Variants in UBE4B observed in about 807,000 individuals in gnomAD.
UBE4B encodes the protein ubiquitin conjugation factor E4 B.
Under a neutral mutation model 148.1 loss-of-function variants are expected in UBE4B, and 27 were observed. The observed-to-expected ratio is 0.18, with a 90% confidence interval of 0.13 to 0.25. UBE4B has a LOEUF of 0.25. Among genes scored for constraint, UBE4B ranks in the 10% least tolerant of loss-of-function variants. UBE4B has a pLI of 1.00. For synonymous variants in UBE4B, 596 were observed against 619.3 expected (o/e 0.96, Z 0.56); for missense variants, 1,170 against 1,662.4 (o/e 0.70, Z 5.15).
intron 2 of UBE4B, among the ~76,000 whole-genome samples, chr1:10,083,258 G>T (rs1644713194): frequency 6.6e-6 from 1 of 152,144 alleles, no homozygotes; most frequent in African/African-American, 2.4e-5. Context: ...AAACCAAGTG[G>T]ATATCTGTGG....
intron 25 of UBE4B, among the ~76,000 whole-genome samples, chr1:10,171,896 G>A (rs1042821302): frequency 7.9e-5 from 12 of 151,994 alleles, no homozygotes; most frequent in Admixed American, 2.0e-4. Context: ...AAATAAATAA[G>A]TAAGTAAGTA....
intron 7 of UBE4B, among the ~76,000 whole-genome samples, chr1:10,117,094 C>T (rs1001663909): frequency 2.0e-5 from 3 of 152,258 alleles, no homozygotes; most frequent in African/African-American, 4.8e-5. Flanking sequence ...AGTTTGATTA[C>T]AGCAGTAGCA....
chr1:10,132,503 T>C (rs375835979), intron 15 of UBE4B, 21 bp downstream of exon 15: 4 of 1,601,384 alleles, frequency 2.5e-6, no homozygotes, highest in Non-Finnish European at 3.4e-6. Flanking sequence ...TACAGACTGC[T>C]TTTCGCTGTT....
At chr1:10,136,071 A>C (rs1253536266) in intron 16 of UBE4B, among the ~76,000 whole-genome samples, 1 of 152,204 alleles carries the variant, frequency 6.6e-6, no homozygotes. Flanking sequence ...CGGCTCTGGA[A>C]TCAGTAGTTT....
chr1:10,094,873 G>A (rs115779448), intron 2 of UBE4B, among the ~76,000 whole-genome samples: 2,475 of 151,810 alleles, frequency 0.016, 65 homozygotes, highest in African/African-American at 0.056. Flanking sequence ...TCACTGCAAC[G>A]TCTTCCTCCC....
rs780224557 is a variant in UBE4B at position 10,122,091 on chromosome 1, GT to G, written c.1554+18del. 182 of 1,570,964 alleles carry G rather than the reference GT, an allele frequency of 1.2e-4. No individual in the cohort carries two copies. The highest frequency in any genetic ancestry group is 1.6e-4 in the Non-Finnish European group (179 of 1,152,066). ...TGTTCAAGCAGGTACGGTCGTATGAGTTTGCTCTTGCAAATTTTAGCCTGAG... is the reference window on the plus strand; with the variant it reads ...TGTTCAAGCAGGTACGGTCGTATGAGTTGCTCTTGCAAATTTTAGCCTGAG... On this transcript the variant is annotated intron_variant, in intron 10 of 27. Transcript: ENST00000343090.
At chr1:10,039,551 T>C (rs1378390728) in intron 1 of UBE4B, among the ~76,000 whole-genome samples, 1 of 151,790 alleles carries the variant, frequency 6.6e-6, no homozygotes, top group African/African-American at 2.4e-5. Flanking sequence ...TGCCTCAGCC[T>C]CCCAAGTAGC....
intron 10 of UBE4B, 116 bp downstream of exon 10, chr1:10,122,192 A>G (rs2101924636): frequency 3.3e-6 from 2 of 609,472 alleles, no homozygotes; most frequent in Middle Eastern, 5.4e-4. Flanking sequence ...GTTATTAGAG[A>G]GAAGGCCTAC....
chr1:10,067,763 T>G (rs1644413955), intron 1 of UBE4B, among the ~76,000 whole-genome samples: 1 of 152,136 alleles, frequency 6.6e-6, no homozygotes, highest in South Asian at 2.1e-4. Flanking sequence ...AGTCTCACTC[T>G]ATGGCCCAGG....
chr1:10,158,900 C>G (rs1036689912), intron 22 of UBE4B, among the ~76,000 whole-genome samples: 3 of 151,238 alleles, frequency 2.0e-5, no homozygotes, highest in Non-Finnish European at 4.4e-5. Context: ...ATCCTAGCTA[C>G]TTGGGAAGCT....
Position 10,117,475 on chromosome 1 carries a change from G to C in UBE4B, c.1213G>C (p.Gly405Arg), listed in dbSNP as rs765689091. Residue 405 changes from glycine (G) to arginine (R), a missense_variant, in exon 8 of 28, where the codon GGA becomes CGA. Gly to Arg is a moderately radical substitution (Grantham distance 125, BLOSUM62 -2). This residue lies in a region of UBE4B where 388 missense variants were observed against 536.0 expected (regional missense o/e 0.72). Coordinates refer to ENST00000343090, the MANE Select transcript of UBE4B (RefSeq NM_001105562.3). ...TCTCTGAAGTTTGGGAGCCTCTGGT[G>C]GAGCAAGTAATTGGGATTCCTACAG... ...RISPSLGASG[G>R]ASNWDSYSDH... The C allele has an allele frequency of 6.2e-7, 1 of 1,609,902 alleles. No homozygotes were observed. The highest frequency in any genetic ancestry group is 8.5e-7 in the Non-Finnish European group (1 of 1,179,010).
intron 18 of UBE4B, 56 bp downstream of exon 18, chr1:10,145,095 A>C (rs981157261): frequency 1.2e-5 from 17 of 1,410,236 alleles, no homozygotes; most frequent in African/African-American, 4.3e-5. Flanking sequence ...TAATTTTCCC[A>C]ACAGAATATA....
chr1:10,038,854 C>T (rs1358943947), intron 1 of UBE4B, among the ~76,000 whole-genome samples: 12 of 151,890 alleles, frequency 7.9e-5, no homozygotes, highest in Admixed American at 7.2e-4. Flanking sequence ...CCCAGCACTT[C>T]GGGAGGTCGA....
Position 10,102,391 on chromosome 1 carries a change from C to CTTTTTTTTTTTTTTTTT in UBE4B, c.436-536_436-520dup, listed in dbSNP as rs33997625. ...GGTGACTTTTGATAATGACTTTGCT[C>CTTTTTTTTTTTTTTTTT]TTTTTTTTTTTTTTTTTTTTTTTTT... is the stretch of plus-strand genomic sequence containing the variant. On this transcript the variant is annotated intron_variant, in intron 4 of 27. Coordinates refer to ENST00000343090, the MANE Select transcript of UBE4B (RefSeq NM_001105562.3). Among the ~76,000 whole-genome samples the CTTTTTTTTTTTTTTTTT allele has an allele frequency of 7.8e-5, 4 of 51,542 alleles. 1 individual carries two copies. The highest frequency in any genetic ancestry group is 1.8e-4 in the African/African-American group (3 of 16,500). The allele number at this position is 51,542 out of a possible 152,430, so 33.8% of individuals were successfully genotyped here.
At chr1:10,054,730 A>AT (rs910159091) in intron 1 of UBE4B, 108 of 228,622 alleles carry the variant, frequency 4.7e-4, no homozygotes, top group African/African-American at 1.9e-3. Flanking sequence ...CTTGCGGGGC[A>AT]TTTTTTTTGG....
In UBE4B at chr1:10,161,774, A is replaced by G. The variant is rs1429436181; in HGVS notation, c.3198+488A>G. On this transcript the variant is annotated intron_variant, in intron 23 of 27. Coordinates refer to ENST00000343090, the MANE Select transcript of UBE4B (RefSeq NM_001105562.3). This position sits in a 1 kb window ranked among gnomAD's most constrained non-coding sequence, Gnocchi z 4.1. ...AAAGAGGCCTGGCTTGCCAGGTTCC[A>G]TGGAAAGCACGTGCCGTGCCAGTAC... 1.3e-5 allele frequency among the ~76,000 whole-genome samples: 2 copies of G among 152,140 alleles called. No homozygotes were observed. Among genetic ancestry groups the G allele is most frequent in the Non-Finnish European group, 2.9e-5 (2 of 68,044 alleles).
intron 1 of UBE4B, among the ~76,000 whole-genome samples, chr1:10,046,904 G>A (rs531706677): frequency 6.6e-6 from 1 of 152,244 alleles, no homozygotes; most frequent in South Asian, 2.1e-4. Flanking sequence ...ATGCGAATTG[G>A]CAAGCTTTGG....
intron 1 of UBE4B, among the ~76,000 whole-genome samples, chr1:10,041,013 C>G (rs1488521877): frequency 6.6e-6 from 1 of 152,168 alleles, no homozygotes; most frequent in Non-Finnish European, 1.5e-5. Context: ...CTACCATTCA[C>G]TTTATAACCA....
At chr1:10,050,134 C>T (rs1047940794) in intron 1 of UBE4B, among the ~76,000 whole-genome samples, 5 of 152,036 alleles carry the variant, frequency 3.3e-5, no homozygotes, top group African/African-American at 9.7e-5. Context: ...AGTGCAGTGG[C>T]GCTCTTGGCT....
Sources: gnomAD v4.1 joint callset for allele counts (sites outside exome capture counted in the v4.1 genomes callset) on GRCh38, gnomAD v4.1.1 for gene constraint, gnomAD v4.1.1 regional missense constraint, Gnocchi (gnomAD v3.1) non-coding constraint, MANE v1.5 for transcripts, NCBI Gene and HGNC (gene_info 2026-07-23, HGNC 2026-07-21) for gene names.